SPICE1: variants seen among roughly 807,000 people sequenced by gnomAD.
SPICE1 encodes spindle and centriole associated protein 1, also known as spindle and centriole-associated protein 1.
SPICE1 carries 75 observed loss-of-function variants against 102.7 expected under a neutral mutation model. That is an observed-to-expected ratio of 0.73 (90% CI 0.61 to 0.88). SPICE1 has a LOEUF of 0.88. SPICE1 is among the 40% of genes least tolerant of loss of function. The pLI, the probability that SPICE1 is intolerant of heterozygous loss-of-function variation, is 0.00. For synonymous variants in SPICE1, 308 were observed against 350.3 expected, an observed-to-expected ratio of 0.88 and a Z score of 1.35; for missense variants, 979 against 1,020.1, an observed-to-expected ratio of 0.96 and a Z score of 0.55.
intron 3 of SPICE1, among the ~76,000 whole-genome samples, chr3:113,499,911 T>C (rs1936975549): frequency 6.6e-6 from 1 of 152,148 alleles, no homozygotes; most frequent in Non-Finnish European, 1.5e-5. Context: ...ATAAAATCAA[T>C]TCATGGGTCA....
At chr3:113,445,631 A>T (rs984480932) in intron 17 of SPICE1, among the ~76,000 whole-genome samples, 2 of 152,182 alleles carry the variant, frequency 1.3e-5, no homozygotes, top group African/African-American at 4.8e-5. Flanking sequence ...ATAAATTTTT[A>T]AAATGATAAA....
At chr3:113,484,326 C>T (rs1173886996) in intron 7 of SPICE1, among the ~76,000 whole-genome samples, 1 of 151,982 alleles carries the variant, frequency 6.6e-6, no homozygotes, top group Non-Finnish European at 1.5e-5. Flanking sequence ...TTTCAAAAAA[C>T]CAGCTCCTGG....
intron 3 of SPICE1, 141 bp from the exon 4 acceptor site, chr3:113,499,723 G>T: frequency 2.4e-6 from 2 of 830,122 alleles, no homozygotes; most frequent in African/African-American, 1.8e-5. Context: ...TATATTCATA[G>T]CCAAAATTTT....
At chr3:113,498,704 T>C (rs1040178440) in intron 4 of SPICE1, among the ~76,000 whole-genome samples, 1 of 152,228 alleles carries the variant, frequency 6.6e-6, no homozygotes, top group African/African-American at 2.4e-5. Flanking sequence ...AAAGCTGCCG[T>C]GAAAGGTCAG....
At chr3:113,475,234 G>A (rs1308472325) in intron 7 of SPICE1, among the ~76,000 whole-genome samples, 1 of 151,688 alleles carries the variant, frequency 6.6e-6, no homozygotes, top group Non-Finnish European at 1.5e-5. Context: ...ACTAAACCAG[G>A]AAGAAGTTGA....
intron 8 of SPICE1, 24 bp downstream of exon 8, chr3:113,469,075 A>C: frequency 6.2e-7 from 1 of 1,604,658 alleles, no homozygotes; most frequent in African/African-American, 1.3e-5. Context: ...AGGCACCTAG[A>C]AATAATGCAA....
chr3:113,459,262 C>G (rs538272203), intron 12 of SPICE1, among the ~76,000 whole-genome samples: 123 of 152,182 alleles, frequency 8.1e-4, no homozygotes, highest in Non-Finnish European at 1.5e-3. Flanking sequence ...CTCAAGTACC[C>G]AGGGACACAA....
chr3:113,484,440 T>C (rs1400595846), intron 7 of SPICE1, among the ~76,000 whole-genome samples: 2 of 152,164 alleles, frequency 1.3e-5, no homozygotes, highest in Admixed American at 6.5e-5. Context: ...TTGTTTGCTC[T>C]TGCTTCTCTA....
chr3:113,504,571 C>CAAAAAAAAAAAAAAAAA (rs71633321), intron 2 of SPICE1, among the ~76,000 whole-genome samples: 1 of 67,856 alleles, frequency 1.5e-5, no homozygotes, highest in African/African-American at 5.4e-5. Context: ...GACCTTGTCT[C>CAAAAAAAAAAAAAAAAA]AAAAAAAAAA....
chr3:113,508,535 T>C (rs1376208226), intron 1 of SPICE1, among the ~76,000 whole-genome samples: 2 of 152,178 alleles, frequency 1.3e-5, no homozygotes, highest in African/African-American at 4.8e-5. Flanking sequence ...ACATAATTAG[T>C]CATTAGGGAA....
At chr3:113,477,702 C>T (rs966825442) in intron 7 of SPICE1, among the ~76,000 whole-genome samples, 94 of 149,154 alleles carry the variant, frequency 6.3e-4, no homozygotes, top group Middle Eastern at 3.4e-3. Flanking sequence ...AACCAAACAC[C>T]GCATGTTCTC....
intron 2 of SPICE1, among the ~76,000 whole-genome samples, chr3:113,503,702 G>A (rs1937052573): frequency 6.6e-6 from 1 of 152,100 alleles, no homozygotes. Context: ...GGAGGCTGAG[G>A]TGGGTGGACC....
intron 7 of SPICE1, among the ~76,000 whole-genome samples, chr3:113,471,934 G>A (rs55720547): frequency 0.037 from 5,611 of 152,276 alleles, 185 homozygotes; most frequent in African/African-American, 0.09. Flanking sequence ...GCCAGACGGT[G>A]AGCGCAGGAC....
intron 13 of SPICE1, among the ~76,000 whole-genome samples, chr3:113,455,806 A>G (rs1935766531): frequency 6.6e-6 from 1 of 152,262 alleles, no homozygotes; most frequent in African/African-American, 2.4e-5. Flanking sequence ...TGCTGAAGAT[A>G]TTAACAAAAT....
intron 4 of SPICE1, among the ~76,000 whole-genome samples, chr3:113,497,075 G>C: frequency 6.6e-6 from 1 of 152,206 alleles, no homozygotes; most frequent in East Asian, 1.9e-4. Context: ...ATCTTTGTAA[G>C]TGGGAATGGC....
Position 113,445,290 on chromosome 3 carries a change from G to A in SPICE1, c.*17C>T, listed in dbSNP as rs763191040. 2.0e-5 allele frequency: 32 copies of A among 1,606,248 alleles called. No individual in the cohort carries two copies. The Middle Eastern group carries it at 4.1e-3, about 208-fold the overall frequency. On this transcript the variant is annotated 3_prime_UTR_variant, in exon 18 of 18. Coordinates refer to ENST00000295872, the MANE Select transcript of SPICE1 (RefSeq NM_144718.4). ...TAATAAATTATTAAGAACAAACTCA[G>A]TGAGACTTGACTTCACTTATGATAC...
chr3:113,445,492 A>T (rs1935491899), intron 17 of SPICE1, 132 bp from the exon 18 acceptor site: 1 of 649,872 alleles, frequency 1.5e-6, no homozygotes, highest in East Asian at 2.9e-5. Context: ...TGGAAATTAA[A>T]TTGTTATTGG....
intron 1 of SPICE1, among the ~76,000 whole-genome samples, chr3:113,511,390 G>C (rs1937218607): frequency 6.6e-6 from 1 of 152,142 alleles, no homozygotes; most frequent in Non-Finnish European, 1.5e-5. Context: ...ACTGAATAAA[G>C]AAATGTGGTA....
intron 6 of SPICE1, among the ~76,000 whole-genome samples, chr3:113,489,957 CTTTACT>C (rs1936731787): frequency 6.6e-6 from 1 of 151,808 alleles, no homozygotes; most frequent in Non-Finnish European, 1.5e-5. Context: ...TCCCAATCTC[CTTTACT>C]GATCTTATTT....
Sources: allele counts gnomAD v4.1 joint callset (sites outside exome capture counted in the v4.1 genomes callset), GRCh38; gene constraint gnomAD v4.1.1; transcripts MANE v1.5; gene names NCBI Gene and HGNC (gene_info 2026-07-23, HGNC 2026-07-21).